The following GSN variants were observed in gnomAD, a reference collection of about 807,000 sequenced individuals.
GSN encodes the protein gelsolin, also known as actin-depolymerizing factor.
A neutral mutation model predicts 85.7 loss-of-function variants in GSN; 56 were observed. The ratio of observed to expected loss-of-function variants is 0.65; its 90% CI spans 0.53 to 0.82. The LOEUF (loss-of-function observed/expected upper bound fraction) is 0.82, where lower values mean the gene tolerates loss of function less well. GSN is among the 40% of genes least tolerant of loss of function. The pLI is 0.00. For missense variants in GSN, 857 were observed against 979.8 expected, an observed-to-expected ratio of 0.87 and a Z score of 1.67; for synonymous variants, 373 against 399.1, an observed-to-expected ratio of 0.93 and a Z score of 0.78.
chr9:121,309,694 G>A (rs1450488545), intron 4 of GSN: 2 of 152,052 alleles, frequency 1.3e-5, no homozygotes, highest in East Asian at 3.9e-4. Flanking sequence ...TCTTGGGCTG[G>A]GTTCAGTGAC....
At chr9:121,293,739 T>A (rs1315274308) in intron 2 of GSN, among the ~76,000 whole-genome samples, 2 of 151,862 alleles carry the variant, frequency 1.3e-5, no homozygotes, top group Non-Finnish European at 2.9e-5. Context: ...AACCCTATCT[T>A]ACATGTAAGG....
At chr9:121,213,561 G>A (rs1042638594) in intron 4 of GSN, among the ~76,000 whole-genome samples, 2 of 152,226 alleles carry the variant, frequency 1.3e-5, no homozygotes, top group African/African-American at 4.8e-5. Flanking sequence ...GAAGAAGTTT[G>A]CAGTCAGGTG....
intron 7 of GSN, among the ~76,000 whole-genome samples, chr9:121,316,447 T>C (rs1240404140): frequency 2.6e-5 from 4 of 152,162 alleles, no homozygotes; most frequent in Non-Finnish European, 4.4e-5. Context: ...TCTTTTTACT[T>C]TTCTTTTTCT....
In GSN at chr9:121,318,895, TG is replaced by T. The variant is rs1564553037; in HGVS notation, c.1191+19del. ...GCCAGAAACAGGTACGTTTAGGGCG[TG>T]GGGTGGGTGTGTCCAGGCCCCTCCC... On this transcript the variant is annotated intron_variant, in intron 10 of 17. Transcript: ENST00000432226. This position sits in a 1 kb window ranked among gnomAD's most constrained non-coding sequence, Gnocchi z 4.3. The T allele has an allele frequency of 1.9e-6, 3 of 1,598,970 alleles. No homozygotes were observed. Among genetic ancestry groups the T allele is most frequent in the Non-Finnish European group, 2.6e-6 (3 of 1,166,636 alleles).
At chr9:121,291,724 T>C (rs552976920) in intron 2 of GSN, among the ~76,000 whole-genome samples, 15 of 152,072 alleles carry the variant, frequency 9.9e-5, no homozygotes, top group Admixed American at 2.0e-4. Flanking sequence ...CTGGCCCCCA[T>C]TGGACTTTTT....
intron 7 of GSN, among the ~76,000 whole-genome samples, chr9:121,314,583 C>T (rs750180647): frequency 2.6e-5 from 4 of 151,836 alleles, no homozygotes; most frequent in Admixed American, 6.6e-5. Context: ...AAGGGGATGT[C>T]GATTTTCACC....
rs547759360 is a variant in GSN at position 121,331,459 on chromosome 9, G to A, written c.2026+11G>A. 5.4e-6 allele frequency: 8 copies of A among 1,472,090 alleles called. No homozygotes were observed. The highest frequency in any genetic ancestry group is 1.7e-4 in the Middle Eastern group (1 of 5,748). 91.2% of individuals were successfully genotyped at this position (1,472,090 alleles called of 1,614,324 possible). ...AAGCCTTGACTTCTGGTGAGGACCC[G>A]AGTGCCTGGGGGCGGGGGGAGGGGT... is the stretch of plus-strand genomic sequence containing the variant. On this transcript the variant is annotated intron_variant, in intron 17 of 17. Coordinates refer to ENST00000432226, the MANE Select transcript of GSN (RefSeq NM_198252.3).
At chr9:121,286,478 C>A in intron 2 of GSN, 1 of 869,464 alleles carries the variant, frequency 1.2e-6, no homozygotes. Context: ...CACCCCCAAG[C>A]CTTTGCGTCT....
chr9:121,313,689 G>T, intron 6 of GSN: 1 of 576,636 alleles, frequency 1.7e-6, no homozygotes, highest in Non-Finnish European at 3.1e-6. Flanking sequence ...CTGAAGCGCT[G>T]TCTGGAGGCA....
chr9:121,246,142 C>T (rs1176717795), intron 5 of GSN, among the ~76,000 whole-genome samples: 1 of 152,122 alleles, frequency 6.6e-6, no homozygotes, highest in Non-Finnish European at 1.5e-5. Context: ...GGTATGTGAA[C>T]ACGTAGATGA....
intron 2 of GSN, chr9:121,286,700 C>T (rs1179591134): frequency 6.5e-7 from 1 of 1,535,144 alleles, no homozygotes; most frequent in Non-Finnish European, 8.7e-7. Flanking sequence ...ATTGAACAGC[C>T]ACTGTGGCCA....
chr9:121,216,236 C>G (rs778016617), intron 4 of GSN, among the ~76,000 whole-genome samples: 5 of 152,178 alleles, frequency 3.3e-5, no homozygotes, highest in Non-Finnish European at 5.9e-5. Flanking sequence ...ACGTGAGCCA[C>G]TGCACCCGGC....
intron 4 of GSN, among the ~76,000 whole-genome samples, chr9:121,215,431 C>T (rs756915709): frequency 1.3e-5 from 2 of 152,036 alleles, no homozygotes; most frequent in Non-Finnish European, 2.9e-5. Flanking sequence ...TGGTGGCTCA[C>T]ACTTATAATC....
At chr9:121,307,413 G>C (rs2060530070) in intron 4 of GSN, among the ~76,000 whole-genome samples, 1 of 152,136 alleles carries the variant, frequency 6.6e-6, no homozygotes, top group South Asian at 2.1e-4. Context: ...GCACCTTTTG[G>C]AAAAGGTTTG....
chr9:121,314,503 T>C (rs2061504222), intron 7 of GSN, among the ~76,000 whole-genome samples: 1 of 152,234 alleles, frequency 6.6e-6, no homozygotes, highest in African/African-American at 2.4e-5. Flanking sequence ...GGAACTCTCT[T>C]GGCTGAGCTC....
At position 121,299,586 on chromosome 9, in the gene GSN, C is replaced by T. The variant is rs550410512; in HGVS notation, c.-9-2377C>T. 6.8e-6 allele frequency: 4 copies of T among 586,534 alleles called. No individual in the cohort carries two copies. The highest frequency in any genetic ancestry group is 8.6e-6 in the Non-Finnish European group (4 of 465,318). The allele number at this position is 586,534 out of a possible 1,614,324, so 36.3% of individuals were successfully genotyped here. ...AGGCTCAGCTGGGCTCGCCGCCGCT[C>T]GTGCCTGCGCCCATTTAGTGTGCAC... On this transcript the variant is annotated intron_variant, in intron 2 of 17. Transcript: ENST00000432226. The surrounding 1 kb of genome is among the most constrained non-coding windows in gnomAD (Gnocchi z 4.2).
intron 6 of GSN, among the ~76,000 whole-genome samples, chr9:121,260,918 T>C (rs544020518): frequency 2.6e-5 from 4 of 152,234 alleles, no homozygotes; most frequent in African/African-American, 4.8e-5. Context: ...AGATCAACTT[T>C]GGACTGAAAC....
chr9:121,307,243 A>G (rs7028970), intron 4 of GSN, among the ~76,000 whole-genome samples: 61,341 of 152,146 alleles, frequency 0.4, 14,041 homozygotes, highest in South Asian at 0.6. Flanking sequence ...GATTTATGAC[A>G]TGAAGCAACC....
chr9:121,313,646 A>G (rs1006534146), intron 6 of GSN: 10 of 491,838 alleles, frequency 2.0e-5, no homozygotes, highest in Non-Finnish European at 3.7e-5. Context: ...TTCAGTAGCT[A>G]TAGTTATCAC....
Sources: allele counts gnomAD v4.1 joint callset (sites outside exome capture counted in the v4.1 genomes callset), GRCh38; gene constraint gnomAD v4.1.1; non-coding constraint Gnocchi (gnomAD v3.1); transcripts MANE v1.5; gene names NCBI Gene and HGNC (gene_info 2026-07-23, HGNC 2026-07-21).